The following MTHFS variants were observed in gnomAD, a reference collection of about 807,000 sequenced individuals.
The protein encoded by MTHFS is 5-formyltetrahydrofolate cyclo-ligase.
In MTHFS, 7 loss-of-function variants were observed where a neutral mutation model predicts 12.7. The ratio of observed to expected loss-of-function variants is 0.55; its 90% CI spans 0.31 to 1.03. The LOEUF is 1.03. Ranked by LOEUF, MTHFS falls within the 50% of genes least tolerant of loss-of-function variation. The pLI, the probability that MTHFS is intolerant of heterozygous loss-of-function variation, is 0.05. For missense variants in MTHFS, 252 were observed against 258.1 expected, an observed-to-expected ratio of 0.98 and a Z score of 0.16; for synonymous variants, 100 against 97.1, an observed-to-expected ratio of 1.03 and a Z score of -0.18.
intron 2 of MTHFS, among the ~76,000 whole-genome samples, chr15:79,882,513 AG>A (rs1481444884): frequency 1.3e-5 from 2 of 152,204 alleles, no homozygotes; most frequent in Admixed American, 6.5e-5. Flanking sequence ...GCCTTACAGA[AG>A]AACACAGAAG....
At chr15:79,860,014 T>C (rs2033882715) in intron 2 of MTHFS, among the ~76,000 whole-genome samples, 1 of 152,026 alleles carries the variant, frequency 6.6e-6, no homozygotes, top group South Asian at 2.1e-4. Flanking sequence ...AAAGAAAACA[T>C]TAATAAACTT....
intron 1 of MTHFS, among the ~76,000 whole-genome samples, chr15:79,893,626 A>G (rs2141381337): frequency 6.6e-6 from 1 of 151,820 alleles, no homozygotes; most frequent in South Asian, 2.1e-4. Flanking sequence ...TGAACCCGGG[A>G]AGCAGAGCTT....
At chr15:79,889,645 G>C (rs954047491) in intron 1 of MTHFS, among the ~76,000 whole-genome samples, 1 of 152,128 alleles carries the variant, frequency 6.6e-6, no homozygotes, top group African/African-American at 2.4e-5. Context: ...TGTCTATCCA[G>C]AGAATTCCAG....
At chr15:79,888,025 G>C (rs1596081531) in intron 2 of MTHFS, among the ~76,000 whole-genome samples, 1 of 152,150 alleles carries the variant, frequency 6.6e-6, no homozygotes, top group African/African-American at 2.4e-5. Flanking sequence ...ATAAAGTTGT[G>C]CTAGGGCTTC....
At chr15:79,876,577 T>C (rs2034198837) in intron 2 of MTHFS, 1 of 140,766 alleles carries the variant, frequency 7.1e-6, no homozygotes, top group African/African-American at 2.7e-5. Flanking sequence ...ATCATGCCAC[T>C]GCACTCCAGC....
At chr15:79,867,994 A>G (rs1363239761) in intron 2 of MTHFS, among the ~76,000 whole-genome samples, 1 of 152,166 alleles carries the variant, frequency 6.6e-6, no homozygotes, top group Non-Finnish European at 1.5e-5. Context: ...CAGCAATCCA[A>G]CGTTGGTATA....
intron 2 of MTHFS, among the ~76,000 whole-genome samples, chr15:79,871,296 G>A (rs1356915454): frequency 1.3e-5 from 2 of 151,968 alleles, no homozygotes; most frequent in African/African-American, 4.8e-5. Context: ...TGAAGTACTA[G>A]AGGGAAAAAA....
chr15:79,885,718 C>T (rs1181959861), intron 2 of MTHFS, among the ~76,000 whole-genome samples: 3 of 152,192 alleles, frequency 2.0e-5, no homozygotes, highest in Non-Finnish European at 2.9e-5. Context: ...AGGACTTTAT[C>T]GGACTGTTAG....
chr15:79,846,660 ACCT>A (rs754366582), intron 2 of MTHFS, among the ~76,000 whole-genome samples: 107 of 152,072 alleles, frequency 7.0e-4, no homozygotes, highest in Non-Finnish European at 1.2e-3. Flanking sequence ...TCCCCTGTAA[ACCT>A]CCTTGTCTAT....
chr15:79,875,670 T>C (rs116163185), intron 2 of MTHFS, among the ~76,000 whole-genome samples: 2,359 of 152,222 alleles, frequency 0.015, 78 homozygotes, highest in African/African-American at 0.054. Flanking sequence ...GATTAGGCAA[T>C]GGTTTCTTAG....
At chr15:79,849,848 A>C (rs1032482606) in intron 2 of MTHFS, among the ~76,000 whole-genome samples, 2 of 152,178 alleles carry the variant, frequency 1.3e-5, no homozygotes, top group Admixed American at 1.3e-4. Flanking sequence ...TTCCAATGTG[A>C]TCTTGCATTC....
At chr15:79,856,403 T>C (rs956744133) in intron 2 of MTHFS, among the ~76,000 whole-genome samples, 1 of 152,254 alleles carries the variant, frequency 6.6e-6, no homozygotes, top group Non-Finnish European at 1.5e-5. Flanking sequence ...ATAGATTCAA[T>C]ATCTCAGATC....
chr15:79,883,492 G>A (rs1208980056), intron 2 of MTHFS, among the ~76,000 whole-genome samples: 1 of 152,116 alleles, frequency 6.6e-6, no homozygotes, highest in Non-Finnish European at 1.5e-5. Flanking sequence ...CAAAGAAAAG[G>A]GATATACTTC....
At chr15:79,849,290 T>C (rs1179425491) in intron 2 of MTHFS, among the ~76,000 whole-genome samples, 1 of 152,222 alleles carries the variant, frequency 6.6e-6, no homozygotes, top group African/African-American at 2.4e-5. Flanking sequence ...ATCCAAGTGT[T>C]TTCCCTGAAA....
intron 1 of MTHFS, among the ~76,000 whole-genome samples, chr15:79,893,354 A>G (rs1454762251): frequency 1.3e-5 from 2 of 151,368 alleles, no homozygotes; most frequent in Admixed American, 6.6e-5. Flanking sequence ...GTGAGCCAAG[A>G]TTGCGCCACT....
chr15:79,866,771 A>G (rs150936618), intron 2 of MTHFS, among the ~76,000 whole-genome samples: 1 of 152,314 alleles, frequency 6.6e-6, no homozygotes, highest in Non-Finnish European at 1.5e-5. Context: ...ACCAACATGA[A>G]GAAACCCCAC....
At chr15:79,895,493 C>A (rs1424194090) in intron 1 of MTHFS, among the ~76,000 whole-genome samples, 1 of 152,190 alleles carries the variant, frequency 6.6e-6, no homozygotes, top group African/African-American at 2.4e-5. Flanking sequence ...TTCATCTCCA[C>A]AACCCAGTAT....
At chr15:79,865,388 C>T (rs893279103) in intron 2 of MTHFS, among the ~76,000 whole-genome samples, 2 of 152,090 alleles carry the variant, frequency 1.3e-5, no homozygotes, top group Non-Finnish European at 2.9e-5. Flanking sequence ...TCGGAAACTT[C>T]GAGGTATTTC....
intron 2 of MTHFS, among the ~76,000 whole-genome samples, chr15:79,874,956 A>C (rs1265297839): frequency 6.6e-6 from 1 of 152,048 alleles, no homozygotes; most frequent in African/African-American, 2.4e-5. Context: ...TTTACGAACA[A>C]TTTGTGCAGT....
Sources: gnomAD v4.1 joint callset for allele counts (sites outside exome capture counted in the v4.1 genomes callset) on GRCh38, gnomAD v4.1.1 for gene constraint, MANE v1.5 for transcripts, NCBI Gene and HGNC (gene_info 2026-07-23, HGNC 2026-07-21) for gene names.